Variants in FCHO2 observed in about 807,000 individuals in gnomAD.
FCHO2 encodes F-BAR domain only protein 2.
A neutral mutation model predicts 114.1 loss-of-function variants in FCHO2; 43 were observed. The observed-to-expected ratio is 0.38, with a 90% CI of 0.30 to 0.49. The LOEUF (loss-of-function observed/expected upper bound fraction) is 0.49. Among genes scored for constraint, FCHO2 ranks in the 20% least tolerant of loss-of-function variants. FCHO2 has a pLI of 0.97. For missense variants in FCHO2, 807 were observed against 950.4 expected (o/e 0.85, Z 1.98); for synonymous variants, 293 against 315.2 (o/e 0.93, Z 0.75).
intron 8 of FCHO2, among the ~76,000 whole-genome samples, chr5:73,026,767 G>C (rs573669112): frequency 1.3e-5 from 2 of 152,042 alleles, no homozygotes; most frequent in African/African-American, 4.8e-5. Context: ...CTCAGGCTCA[G>C]TGCAACCTCC....
intron 5 of FCHO2, among the ~76,000 whole-genome samples, chr5:73,005,800 TTAAA>T (rs1365585211): frequency 1.3e-5 from 2 of 152,204 alleles, no homozygotes; most frequent in Non-Finnish European, 2.9e-5. Context: ...GTTTTTTTAA[TTAAA>T]TAAGTAACTT....
chr5:73,010,553 A>T (rs1754950602), intron 6 of FCHO2, among the ~76,000 whole-genome samples: 1 of 152,074 alleles, frequency 6.6e-6, no homozygotes, highest in African/African-American at 2.4e-5. Context: ...GTCGTTAGGC[A>T]ATTTTGTCAT....
At chr5:72,978,318 C>G (rs879357559) in intron 2 of FCHO2, among the ~76,000 whole-genome samples, 3 of 152,134 alleles carry the variant, frequency 2.0e-5, no homozygotes, top group Admixed American at 6.5e-5. Flanking sequence ...TGAAGAGGTT[C>G]TTCACATCTC....
rs756964118 is a variant in FCHO2 at position 73,015,723 on chromosome 5, A to G, written c.698A>G (p.Gln233Arg). The G allele has an allele frequency of 2.6e-6, 4 of 1,556,888 alleles. No homozygotes were observed. In the Admixed American group the frequency reaches 6.6e-5, roughly 26 times the overall value. The change falls in exon 7 of 26, where the codon CAG becomes CGG. Residue 233 changes from glutamine to arginine, a missense_variant and splice_region_variant. Physicochemically the swap from Gln to Arg is conservative, Grantham distance 43. Transcript: ENST00000430046. ...AAGGAAATTCATTTGCAGATAGGCC[A>G]GGTAAGTTTTTTTACTTTATGTTGA... ...AIKEIHLQIG[Q>R]VHEEFINNMA...
chr5:72,963,222 G>A (rs1751972829), intron 1 of FCHO2, among the ~76,000 whole-genome samples: 1 of 152,142 alleles, frequency 6.6e-6, no homozygotes, highest in African/African-American at 2.4e-5. Context: ...TATAATATAA[G>A]TAAAGCAAAT....
intron 6 of FCHO2, among the ~76,000 whole-genome samples, chr5:73,012,312 T>C (rs1221168899): frequency 6.6e-6 from 1 of 152,152 alleles, no homozygotes; most frequent in African/African-American, 2.4e-5. Context: ...ATGTGGCTCA[T>C]GACTATACTT....
At chr5:72,997,369 G>A (rs1344675185) in intron 5 of FCHO2, 31 of 1,592,310 alleles carry the variant, frequency 1.9e-5, no homozygotes, top group Non-Finnish European at 2.4e-5. Context: ...GCATTCTTAA[G>A]ACGAGATACT....
intron 2 of FCHO2, among the ~76,000 whole-genome samples, chr5:72,988,219 C>T (rs892893487): frequency 6.6e-6 from 1 of 152,098 alleles, no homozygotes; most frequent in African/African-American, 2.4e-5. Flanking sequence ...TGGGGCGGAT[C>T]ACAAGGTCAG....
chr5:73,021,096 C>A, intron 8 of FCHO2: 1 of 805,680 alleles, frequency 1.2e-6, no homozygotes, highest in Non-Finnish European at 2.3e-6. Flanking sequence ...TGATTCGGTC[C>A]CCCAGTGGGT....
intron 8 of FCHO2, among the ~76,000 whole-genome samples, chr5:73,026,257 G>A (rs1755910456): frequency 1.3e-5 from 2 of 152,138 alleles, no homozygotes; most frequent in African/African-American, 4.8e-5. Flanking sequence ...AACACCTGAG[G>A]TCAGGGGTTC....
At chr5:73,062,163 G>A (rs949679333) in intron 17 of FCHO2, among the ~76,000 whole-genome samples, 4 of 151,982 alleles carry the variant, frequency 2.6e-5, no homozygotes, top group African/African-American at 7.2e-5. Flanking sequence ...ATAAAACACA[G>A]GACACTGAAG....
At chr5:73,027,014 G>GTTTTT (rs1274762402) in intron 8 of FCHO2, among the ~76,000 whole-genome samples, 1 of 114,856 alleles carries the variant, frequency 8.7e-6, no homozygotes, top group Non-Finnish European at 1.9e-5. Context: ...TTTTTTGTTT[G>GTTTTT]TTTGTTTTTT....
chr5:73,013,978 C>G (rs972945729), intron 6 of FCHO2, among the ~76,000 whole-genome samples: 21 of 152,194 alleles, frequency 1.4e-4, no homozygotes, highest in African/African-American at 5.1e-4. Context: ...GCCACCGTGC[C>G]TGGCCTCTCA....
chr5:72,979,275 G>T (rs1753047653), intron 2 of FCHO2, among the ~76,000 whole-genome samples: 1 of 149,280 alleles, frequency 6.7e-6, no homozygotes, highest in South Asian at 2.1e-4. Context: ...ATTAATTACT[G>T]CCTCAATTTC....
In FCHO2 at chr5:72,979,947, C is replaced by T. The variant is rs555321897; in HGVS notation, c.126-9480C>T. ...CGCTGTTTCATGTCTCTATCTCCTT[C>T]AGTTCTGCTCTGATCTTAGTTATTT... is the stretch of plus-strand genomic sequence containing the variant. On this transcript the variant is annotated intron_variant, in intron 2 of 25. Transcript: ENST00000430046. Among the ~76,000 whole-genome samples the T allele has an allele frequency of 2.0e-5, 3 of 152,258 alleles. No homozygotes were observed. The East Asian group carries it at 5.8e-4, about 29-fold the overall frequency.
intron 13 of FCHO2, chr5:73,052,755 C>G (rs1453948562): frequency 6.5e-6 from 2 of 307,550 alleles, no homozygotes; most frequent in Non-Finnish European, 1.2e-5. Flanking sequence ...CTGTGTGTCT[C>G]TGGCAGAATT....
At chr5:73,083,239 TAA>T (rs968976069) in intron 24 of FCHO2, among the ~76,000 whole-genome samples, 2 of 152,112 alleles carry the variant, frequency 1.3e-5, no homozygotes, top group Admixed American at 6.6e-5. Context: ...AAAGTTTATG[TAA>T]AGTTTCCTCC....
intron 2 of FCHO2, among the ~76,000 whole-genome samples, chr5:72,972,072 G>C (rs1394107917): frequency 6.6e-6 from 1 of 151,928 alleles, no homozygotes; most frequent in Non-Finnish European, 1.5e-5. Flanking sequence ...CTCTGTTTTG[G>C]TAGCAGTACC....
chr5:73,021,359 TA>T, intron 8 of FCHO2: 2 of 371,236 alleles, frequency 5.4e-6, no homozygotes, highest in South Asian at 5.1e-5. Context: ...TGAGAAAGGA[TA>T]GGGGTCAAGA....
Sources: allele counts gnomAD v4.1 joint callset (sites outside exome capture counted in the v4.1 genomes callset), GRCh38; gene constraint gnomAD v4.1.1; transcripts MANE v1.5; gene names NCBI Gene and HGNC (gene_info 2026-07-23, HGNC 2026-07-21).